The following ROS1 variants were observed in gnomAD, a reference collection of about 807,000 sequenced individuals.
ROS1 encodes the protein proto-oncogene tyrosine-protein kinase ROS.
In ROS1, 263 loss-of-function variants were observed where a neutral mutation model predicts 273.5. The observed-to-expected ratio is 0.96, with a 90% CI of 0.87 to 1.06. ROS1 has a LOEUF of 1.06. Among genes scored for constraint, ROS1 ranks in the 50% least tolerant of loss-of-function variants. ROS1 has a pLI of 0.00. For synonymous variants in ROS1, 1,008 were observed against 954.1 expected (o/e 1.06, Z -1.04); for missense variants, 2,833 against 2,751.1 (o/e 1.03, Z -0.67).
intron 42 of ROS1, among the ~76,000 whole-genome samples, chr6:117,305,158 T>C (rs1260617092): frequency 6.6e-6 from 1 of 152,214 alleles, no homozygotes; most frequent in Non-Finnish European, 1.5e-5. Context: ...ACAGGTATTA[T>C]TCTTGGCTTC....
Position 117,425,836 on chromosome 6 carries a change from T to C in ROS1, c.-180A>G. On this transcript the variant is annotated 5_prime_UTR_variant, in exon 1 of 44. Coordinates refer to ENST00000368507, the MANE Select transcript of ROS1 (RefSeq NM_001378902.1). ...ATACTTAGCCTTTTTCATTTAGACCTTTGAATGCTTGAAAGCTTGTAACAG... is the reference window on the plus strand; with the variant it reads ...ATACTTAGCCTTTTTCATTTAGACCCTTGAATGCTTGAAAGCTTGTAACAG... The C allele has an allele frequency of 5.2e-6, 3 of 573,756 alleles. No homozygotes were observed. The highest frequency in any genetic ancestry group is 6.8e-5 in the East Asian group (2 of 29,622). 35.5% of individuals were successfully genotyped at this position (573,756 alleles called of 1,614,324 possible). A position where few individuals can be genotyped will look rare whatever the true frequency, so the allele number is the denominator to read the frequency against.
intron 32 of ROS1, among the ~76,000 whole-genome samples, chr6:117,333,409 A>C (rs1777239337): frequency 6.6e-6 from 1 of 152,182 alleles, no homozygotes; most frequent in Non-Finnish European, 1.5e-5. Context: ...GAATTCTACC[A>C]GAAATACAAA....
chr6:117,353,358 T>G (rs148299770), intron 26 of ROS1, among the ~76,000 whole-genome samples, 192 bp from the exon 27 acceptor site: 4 of 152,334 alleles, frequency 2.6e-5, no homozygotes, highest in Admixed American at 6.5e-5. Flanking sequence ...TAGCACCATA[T>G]CAAGCCAATC....
At chr6:117,397,184 GAA>G in intron 7 of ROS1, 68 bp from the exon 8 acceptor site, 1 of 1,053,524 alleles carries the variant, frequency 9.5e-7, no homozygotes, top group South Asian at 1.5e-5. Context: ...AAATAAGATG[GAA>G]AAAAGTCTTG....
chr6:117,294,726 A>G (rs1434988800), intron 43 of ROS1, among the ~76,000 whole-genome samples: 1 of 152,170 alleles, frequency 6.6e-6, no homozygotes, highest in Non-Finnish European at 1.5e-5. Flanking sequence ...CACATAAAGA[A>G]TGAAACACCT....
intron 42 of ROS1, among the ~76,000 whole-genome samples, chr6:117,303,040 G>A (rs895902228): frequency 1.3e-5 from 2 of 152,112 alleles, no homozygotes; most frequent in Admixed American, 6.5e-5. Flanking sequence ...ATATAAAATT[G>A]TATGTTTTTA....
Position 117,359,849 on chromosome 6 carries a change from G to T in ROS1, c.3593C>A (p.Ser1198Ter). ...ATTGTGCAAGTGCAGAAGAAAGAGTGAGTCCCCTTCAGCATAATATCCCAT... is the reference window on the plus strand; with the variant it reads ...ATTGTGCAAGTGCAGAAGAAAGAGTTAGTCCCCTTCAGCATAATATCCCAT... ...NEMGYYAEGD[S>*]LFLLHLHNRS... Residue 1198 changes from serine (S) to a stop codon, truncating the protein, a stop_gained, in exon 24 of 44, where the codon TCA becomes TAA. Coordinates refer to ENST00000368507, the MANE Select transcript of ROS1 (RefSeq NM_001378902.1). LOFTEE classifies it high-confidence loss of function. 1 of 1,613,876 alleles carries T rather than the reference G, an allele frequency of 6.2e-7. No individual in the cohort carries two copies. Among genetic ancestry groups the T allele is most frequent in the Non-Finnish European group, 8.5e-7 (1 of 1,179,852 alleles).
Position 117,357,946 on chromosome 6 carries a change from G to A in ROS1, c.3697C>T (p.Leu1233Phe). ...VITIDWISRH[L>F]YFALKESQNG... ...TGTGATTCTTTCAGTGCAAAGTAGA[G>A]GTGCCTTGAAATCCAGTCAATTGTA... The change falls in exon 25 of 44, where the codon CTC becomes TTC. Residue 1233 changes from leucine to phenylalanine, a missense_variant. By Grantham distance (22) the Leu-to-Phe change is conservative. Coordinates refer to ENST00000368507, the MANE Select transcript of ROS1 (RefSeq NM_001378902.1). 1 of 1,613,668 alleles carries A rather than the reference G, an allele frequency of 6.2e-7. No homozygotes were observed. The highest frequency in any genetic ancestry group is 8.5e-7 in the Non-Finnish European group (1 of 1,179,742).
intron 7 of ROS1, among the ~76,000 whole-genome samples, chr6:117,398,693 A>AAAAAAAAAAAAAAAAAAAAAAAAAAC (rs1554252569): frequency 4.2e-5 from 6 of 141,210 alleles, no homozygotes; most frequent in Non-Finnish European, 9.7e-5. Flanking sequence ...AAAAAAAAAA[A>AAAAAAAAAAAAAAAAAAAAAAAAAAC]AAAACTCGCG....
chr6:117,320,029 T>C lies in ROS1; in HGVS notation c.5761A>G (p.Thr1921Ala). 6.2e-7 allele frequency: 1 copy of C among 1,612,722 alleles called. No individual in the cohort carries two copies. Among genetic ancestry groups the C allele is most frequent in the Non-Finnish European group, 8.5e-7 (1 of 1,179,254 alleles). ...GLANACYAIH[T>A]LPTQEEIENL... Reference sequence around the variant, plus strand: ...TCAATCTCCTCTTGGGTTGGAAGAGTACTGTAAAATAGCAACATTTTTGTC... The same window carrying C: ...TCAATCTCCTCTTGGGTTGGAAGAGCACTGTAAAATAGCAACATTTTTGTC... The change falls in exon 37 of 44, where the codon ACT (threonine) becomes GCT (alanine). Residue 1921 changes from threonine to alanine, a missense_variant and splice_region_variant. Transcript: ENST00000368507.
At chr6:117,317,648 G>A (rs1350638959) in intron 38 of ROS1, among the ~76,000 whole-genome samples, 2 of 152,050 alleles carry the variant, frequency 1.3e-5, no homozygotes, top group African/African-American at 4.8e-5. Context: ...TCAGAAATGC[G>A]GGTTTGGCTA....
intron 31 of ROS1, among the ~76,000 whole-genome samples, chr6:117,339,426 T>C (rs1165502567): frequency 6.6e-6 from 1 of 152,158 alleles, no homozygotes; most frequent in Non-Finnish European, 1.5e-5. Context: ...CTGTTTCCTT[T>C]CTAAAACATT....
At chr6:117,304,230 A>G (rs1378407128) in intron 42 of ROS1, among the ~76,000 whole-genome samples, 2 of 152,244 alleles carry the variant, frequency 1.3e-5, no homozygotes, top group African/African-American at 4.8e-5. Context: ...TGGGGATGAT[A>G]CAAAGATGTC....
intron 17 of ROS1, 62 bp from the exon 18 acceptor site, chr6:117,379,221 C>G (rs1044953085): frequency 7.3e-6 from 7 of 964,550 alleles, no homozygotes; most frequent in African/African-American, 1.6e-5. Flanking sequence ...ACTTTGTGAA[C>G]AGGTCACACT....
At chr6:117,422,001 G>C (rs779658170) in intron 1 of ROS1, among the ~76,000 whole-genome samples, 1 of 152,054 alleles carries the variant, frequency 6.6e-6, no homozygotes, top group African/African-American at 2.4e-5. Flanking sequence ...TTATTTGTCT[G>C]TTTGCATTTA....
intron 1 of ROS1, among the ~76,000 whole-genome samples, chr6:117,421,422 C>T (rs1424562151): frequency 6.6e-6 from 1 of 151,978 alleles, no homozygotes; most frequent in Non-Finnish European, 1.5e-5. Context: ...TTCCCTCCCC[C>T]TTCTGAGTCT....
intron 1 of ROS1, among the ~76,000 whole-genome samples, chr6:117,419,239 C>G (rs1775569657): frequency 6.6e-6 from 1 of 152,152 alleles, no homozygotes; most frequent in African/African-American, 2.4e-5. Flanking sequence ...ACACTGCCTG[C>G]TAGAAACAGG....
intron 18 of ROS1, among the ~76,000 whole-genome samples, chr6:117,367,550 G>C (rs967916919): frequency 1.6e-4 from 24 of 152,164 alleles, no homozygotes; most frequent in African/African-American, 5.8e-4. Context: ...GTGATGCCAA[G>C]AAGGCATGGC....
intron 43 of ROS1, among the ~76,000 whole-genome samples, chr6:117,300,637 A>C (rs959478638): frequency 1.3e-5 from 2 of 152,204 alleles, no homozygotes; most frequent in South Asian, 2.1e-4. Context: ...CAAAGAGTCT[A>C]TAATTAACTC....
Sources: gnomAD v4.1 joint callset for allele counts (sites outside exome capture counted in the v4.1 genomes callset) on GRCh38, gnomAD v4.1.1 for gene constraint, MANE v1.5 for transcripts, NCBI Gene and HGNC (gene_info 2026-07-23, HGNC 2026-07-21) for gene names.